The following MYZAP variants were observed in gnomAD, a reference collection of about 807,000 sequenced individuals.
MYZAP encodes the protein myocardial zonula adherens protein.
MYZAP carries 66 observed loss-of-function variants against 69.4 expected under a neutral mutation model. The observed-to-expected ratio is 0.95, with a 90% CI of 0.78 to 1.17. The LOEUF (loss-of-function observed/expected upper bound fraction) is 1.17, where lower values mean the gene tolerates loss of function less well. MYZAP is among the 50% of genes most tolerant of loss of function. The probability of loss-of-function intolerance (pLI) is 0.00; values close to 1 mark genes in which losing one functional copy is unlikely to be tolerated. For synonymous variants in MYZAP, 256 were observed against 205.9 expected, an observed-to-expected ratio of 1.24 and a Z score of -2.09; for missense variants, 611 against 556.2, an observed-to-expected ratio of 1.10 and a Z score of -0.99.
chr15:57,674,872 T>C (rs1379510453), intron 11 of MYZAP, 96 bp from the exon 12 acceptor site: 1 of 1,054,670 alleles, frequency 9.5e-7, no homozygotes, highest in African/African-American at 1.6e-5. Flanking sequence ...GCCCATGTCA[T>C]GGGGCAAAAT....
intron 4 of MYZAP, among the ~76,000 whole-genome samples, chr15:57,625,079 C>T (rs865913991): frequency 1.3e-5 from 2 of 149,790 alleles, no homozygotes; most frequent in East Asian, 1.9e-4. Context: ...TTAAATGAGA[C>T]GGAGTTTCGC....
At chr15:57,613,089 G>A (rs567525652) in intron 2 of MYZAP, among the ~76,000 whole-genome samples, 167 of 151,586 alleles carry the variant, frequency 1.1e-3, no homozygotes, top group Non-Finnish European at 2.0e-3. Flanking sequence ...CTGCCACCAC[G>A]CCTGGCTAAT....
Position 57,646,125 on chromosome 15 carries a change from A to G in MYZAP, c.1119+6580A>G, listed in dbSNP as rs1422834058. 3.1e-6 allele frequency: 4 copies of G among 1,288,648 alleles called. No homozygotes were observed. The Admixed American group carries it at 9.2e-5, about 30-fold the overall frequency. The allele number at this position is 1,288,648 out of a possible 1,614,324, so 79.8% of individuals were successfully genotyped here. On this transcript the variant is annotated intron_variant, in intron 10 of 12. Transcript: ENST00000267853. ...CCCACAAACCTAATCCACTCAATTG[A>G]ACTGTCTCCAGATCATGTCGCACGA...
chr15:57,607,561 A>G (rs2034833447), intron 2 of MYZAP, among the ~76,000 whole-genome samples: 1 of 152,134 alleles, frequency 6.6e-6, no homozygotes, highest in African/African-American at 2.4e-5. Flanking sequence ...TTTACCCCTC[A>G]GCCCCCAGAC....
At chr15:57,626,160 A>G (rs1198551188) in intron 5 of MYZAP, among the ~76,000 whole-genome samples, 4 of 152,118 alleles carry the variant, frequency 2.6e-5, no homozygotes, top group African/African-American at 4.8e-5. Context: ...GCTTCACCAG[A>G]TACCCGAGTG....
intron 10 of MYZAP, among the ~76,000 whole-genome samples, chr15:57,655,350 G>A (rs1341097836): frequency 1.3e-5 from 2 of 152,182 alleles, no homozygotes; most frequent in Admixed American, 1.3e-4. Flanking sequence ...GTAGGGACAG[G>A]ATGGGCATGA....
chr15:57,652,451 G>A (rs1487966758), intron 10 of MYZAP, among the ~76,000 whole-genome samples: 1 of 152,018 alleles, frequency 6.6e-6, no homozygotes, highest in Admixed American at 6.6e-5. Flanking sequence ...AAAGAGAATG[G>A]ACTTTAAAAA....
chr15:57,682,503 C>G (rs1012794011), intron 12 of MYZAP, among the ~76,000 whole-genome samples: 7 of 152,200 alleles, frequency 4.6e-5, no homozygotes, highest in African/African-American at 1.7e-4. Flanking sequence ...CATGATCTCT[C>G]TTTCACCTCC....
At chr15:57,618,552 A>G (rs910641445) in intron 3 of MYZAP, among the ~76,000 whole-genome samples, 4 of 152,172 alleles carry the variant, frequency 2.6e-5, no homozygotes, top group Non-Finnish European at 5.9e-5. Context: ...GGTGATTCAG[A>G]TCAATCAGTT....
chr15:57,658,997 T>C (rs11856824), intron 10 of MYZAP, among the ~76,000 whole-genome samples: 11,464 of 152,252 alleles, frequency 0.075, 561 homozygotes, highest in Middle Eastern at 0.16. Context: ...GATGCTTTAT[T>C]TTTTCCTCCA....
chr15:57,594,758 A>G (rs1330227814), intron 1 of MYZAP, among the ~76,000 whole-genome samples: 3 of 152,196 alleles, frequency 2.0e-5, no homozygotes, highest in African/African-American at 7.2e-5. Context: ...TCATGATGGC[A>G]AATTGGACCT....
At chr15:57,622,987 A>G (rs1168788698) in intron 4 of MYZAP, among the ~76,000 whole-genome samples, 2 of 152,224 alleles carry the variant, frequency 1.3e-5, no homozygotes, top group African/African-American at 4.8e-5. Flanking sequence ...CCCACGAATC[A>G]AGAAGAAAAA....
intron 12 of MYZAP, among the ~76,000 whole-genome samples, chr15:57,677,175 G>T (rs1221882665): frequency 6.6e-6 from 1 of 152,192 alleles, no homozygotes; most frequent in Non-Finnish European, 1.5e-5. Context: ...TCCTGGAGAG[G>T]CTTCGGGATG....
intron 1 of MYZAP, among the ~76,000 whole-genome samples, chr15:57,600,519 A>T (rs1264934907): frequency 6.6e-6 from 1 of 152,248 alleles, no homozygotes; most frequent in African/African-American, 2.4e-5. Flanking sequence ...GTGTTGAGGA[A>T]TATAGATGGG....
At chr15:57,647,594 A>G in intron 10 of MYZAP, 1 of 985,396 alleles carries the variant, frequency 1.0e-6, no homozygotes, top group Non-Finnish European at 1.2e-6. Flanking sequence ...TTCTGCTTTT[A>G]GAGTTTCTTT....
chr15:57,662,429 T>C (rs1308178964), intron 11 of MYZAP, among the ~76,000 whole-genome samples: 1 of 152,156 alleles, frequency 6.6e-6, no homozygotes, highest in Non-Finnish European at 1.5e-5. Context: ...TTACTTTGGA[T>C]ATGTTCTGTG....
chr15:57,661,823 G>T (rs79566231), intron 11 of MYZAP, among the ~76,000 whole-genome samples: 1 of 152,114 alleles, frequency 6.6e-6, no homozygotes, highest in Admixed American at 6.6e-5. Context: ...ATAATTCCCC[G>T]CATTTGTCCA....
intron 12 of MYZAP, among the ~76,000 whole-genome samples, chr15:57,681,731 G>C (rs2039456356): frequency 6.6e-6 from 1 of 152,130 alleles, no homozygotes; most frequent in Non-Finnish European, 1.5e-5. Flanking sequence ...GTTGCATTGA[G>C]CTGAGATCGT....
chr15:57,676,670 C>T (rs546140526), intron 12 of MYZAP, among the ~76,000 whole-genome samples: 1 of 152,086 alleles, frequency 6.6e-6, no homozygotes, highest in African/African-American at 2.4e-5. Flanking sequence ...TTGGCTAAGA[C>T]GGGTACAAAA....
Sources: allele counts gnomAD v4.1 joint callset (sites outside exome capture counted in the v4.1 genomes callset), GRCh38; gene constraint gnomAD v4.1.1; transcripts MANE v1.5; gene names NCBI Gene and HGNC (gene_info 2026-07-23, HGNC 2026-07-21).